BPTF: variants seen among roughly 807,000 people sequenced by gnomAD.
The protein encoded by BPTF is nucleosome-remodeling factor subunit BPTF.
Under a neutral mutation model 292.5 loss-of-function variants are expected in BPTF, and 18 were observed. The ratio of observed to expected loss-of-function variants is 0.06; its 90% CI spans 0.04 to 0.09. The LOEUF (loss-of-function observed/expected upper bound fraction) is 0.09, where lower values mean the gene tolerates loss of function less well. BPTF is among the 10% of genes least tolerant of loss of function. The pLI, the probability that BPTF is intolerant of heterozygous loss-of-function variation, is 1.00. For missense variants in BPTF, 2,726 were observed against 3,498.7 expected (o/e 0.78, Z 5.57); for synonymous variants, 1,225 against 1,251.9 (o/e 0.98, Z 0.45).
At chr17:67,919,917 T>G (rs1598657857) in intron 12 of BPTF, 98 bp from the exon 13 acceptor site, 2 of 1,212,644 alleles carry the variant, frequency 1.6e-6, no homozygotes, top group East Asian at 2.4e-5. Context: ...TCCAAAAGTT[T>G]ATTCCACGTG....
At chr17:67,976,264 G>A (rs1181614715) in intron 27 of BPTF, among the ~76,000 whole-genome samples, 1 of 152,206 alleles carries the variant, frequency 6.6e-6, no homozygotes, top group African/African-American at 2.4e-5. Flanking sequence ...CCTGAGGTCA[G>A]GAGTTCGAGC....
At chr17:67,913,301 A>C in intron 11 of BPTF, 114 bp downstream of exon 11, 1 of 1,427,536 alleles carries the variant, frequency 7.0e-7, no homozygotes, top group Non-Finnish European at 9.3e-7. Context: ...GAAACATATT[A>C]ATGGCCAAAG....
chr17:67,902,895 G>A (rs574321371), intron 7 of BPTF, among the ~76,000 whole-genome samples: 4 of 152,190 alleles, frequency 2.6e-5, no homozygotes, highest in African/African-American at 7.2e-5. Context: ...TGCCACTAGC[G>A]CTCTTAGAGA....
At chr17:67,980,572 G>A (rs1291026729) in intron 27 of BPTF, among the ~76,000 whole-genome samples, 2 of 152,212 alleles carry the variant, frequency 1.3e-5, no homozygotes, top group African/African-American at 4.8e-5. Context: ...AAGCCAAGGA[G>A]TGTGAATCCT....
chr17:67,956,682 G>C (rs1270924031), intron 23 of BPTF: 2 of 143,792 alleles, frequency 1.4e-5, no homozygotes, highest in East Asian at 2.0e-4. Flanking sequence ...AAAAAAAAAC[G>C]GTCAGGCACA....
At chr17:67,908,417 A>G (rs1295244252) in intron 9 of BPTF, among the ~76,000 whole-genome samples, 2 of 151,234 alleles carry the variant, frequency 1.3e-5, no homozygotes, top group African/African-American at 2.4e-5. Context: ...AGCCTCCCAA[A>G]GTGCTGGGAT....
intron 4 of BPTF, among the ~76,000 whole-genome samples, chr17:67,889,073 G>A (rs973589667): frequency 6.6e-6 from 1 of 152,154 alleles, no homozygotes; most frequent in Non-Finnish European, 1.5e-5. Flanking sequence ...TGAAGAGTTT[G>A]TGTAGGCTTC....
rs1435074970 is a variant in BPTF, at chr17:67,891,922, C to T, written c.1943C>T (p.Thr648Ile). Reference protein sequence around the residue: ...PGAGKGASGSTRIITRLRNPD... With the variant: ...PGAGKGASGSIRIITRLRNPD... ...GCTGGAAAAGGAGCATCTGGCTCAA[C>T]TCGAATCATCACCAGATTGCGGAAT... The change falls in exon 5 of 28, where the codon ACT (threonine) becomes ATT (isoleucine). Residue 648 changes from threonine (T) to isoleucine (I), a missense_variant. Transcript: ENST00000306378. The T allele has an allele frequency of 6.2e-7, 1 of 1,612,902 alleles. No homozygotes were observed. The highest frequency in any genetic ancestry group is 2.2e-5 in the East Asian group (1 of 44,802).
chr17:67,882,994 C>T (rs1329973480), intron 4 of BPTF, among the ~76,000 whole-genome samples: 11 of 132,176 alleles, frequency 8.3e-5, no homozygotes, highest in Admixed American at 4.1e-4. Flanking sequence ...TAGAGCCAGA[C>T]GTTGTCTAAA....
In BPTF at chr17:67,982,553, AAAAAAAAGAAAAAGAAAGCAAG is replaced by A. The variant is rs1452975522; in HGVS notation, c.*275_*296del. 3.0e-6 allele frequency: 1 copy of A among 338,158 alleles called. No individual in the cohort carries two copies. Among genetic ancestry groups the A allele is most frequent in the Non-Finnish European group, 5.4e-6 (1 of 186,088 alleles). 20.9% of individuals were successfully genotyped at this position (338,158 alleles called of 1,614,324 possible). A position where few individuals can be genotyped will look rare whatever the true frequency, so the allele number is the denominator to read the frequency against. ...GAAGCGAGAAAACTTTGTTTATTGA[AAAAAAAAGAAAAAGAAAGCAAG>A]AAAAAAAGATACTATGGGGTCAAGT... On this transcript the variant is annotated 3_prime_UTR_variant, in exon 28 of 28. Transcript: ENST00000306378.
chr17:67,923,078 C>T, intron 14 of BPTF, 88 bp downstream of exon 14: 2 of 1,298,356 alleles, frequency 1.5e-6, no homozygotes, highest in African/African-American at 1.6e-5. Context: ...TTTTTTGAGA[C>T]AGGATCTTGC....
At chr17:67,952,584 C>T (rs1189907038) in intron 23 of BPTF, among the ~76,000 whole-genome samples, 4 of 152,116 alleles carry the variant, frequency 2.6e-5, no homozygotes, top group African/African-American at 9.7e-5. Flanking sequence ...TTTTTTAGAG[C>T]AGTTTTACGT....
At chr17:67,884,143 T>C (rs34432450) in intron 4 of BPTF, among the ~76,000 whole-genome samples, 42,849 of 146,894 alleles carry the variant, frequency 0.29, 7,101 homozygotes, top group East Asian at 0.57. Flanking sequence ...TCTTTCTTTT[T>C]TTTTTTTTTT....
At chr17:67,867,958 G>A (rs569002543) in intron 3 of BPTF, among the ~76,000 whole-genome samples, 26 of 152,240 alleles carry the variant, frequency 1.7e-4, no homozygotes, top group African/African-American at 6.3e-4. Context: ...GAGGAGTTAT[G>A]TTCTACCTTC....
chr17:67,839,885 A>C (rs80135947), intron 1 of BPTF, among the ~76,000 whole-genome samples: 30,954 of 151,942 alleles, frequency 0.2, 3,963 homozygotes, highest in East Asian at 0.66. Flanking sequence ...ACCATTTTGC[A>C]TTCTTACCTG....
At chr17:67,910,285 C>G (rs1477064597) in intron 10 of BPTF, among the ~76,000 whole-genome samples, 1 of 152,084 alleles carries the variant, frequency 6.6e-6, no homozygotes, top group Non-Finnish European at 1.5e-5. Flanking sequence ...GGGCTGTTTC[C>G]TCTTTTGGCT....
chr17:67,958,434 T>G (rs1483384678), intron 23 of BPTF, among the ~76,000 whole-genome samples: 5 of 151,804 alleles, frequency 3.3e-5, no homozygotes, highest in African/African-American at 1.2e-4. Flanking sequence ...TTTTAAAAAA[T>G]ATATGAAAAG....
intron 24 of BPTF, 32 bp downstream of exon 24, chr17:67,959,907 G>A: frequency 1.4e-6 from 2 of 1,442,116 alleles, no homozygotes; most frequent in South Asian, 1.5e-5. Flanking sequence ...CTAGTTTTTT[G>A]TCTTGAAAGT....
chr17:67,925,545 A>G (rs1029171639), intron 15 of BPTF, among the ~76,000 whole-genome samples: 2 of 152,186 alleles, frequency 1.3e-5, no homozygotes, highest in Non-Finnish European at 2.9e-5. Context: ...ACAATGTGCC[A>G]TATGTGCCTA....
Sources: allele counts gnomAD v4.1 joint callset (sites outside exome capture counted in the v4.1 genomes callset), GRCh38; gene constraint gnomAD v4.1.1; transcripts MANE v1.5; gene names NCBI Gene and HGNC (gene_info 2026-07-23, HGNC 2026-07-21).